FUT8: variants seen among roughly 807,000 people sequenced by gnomAD.
The protein encoded by FUT8 is alpha-(1,6)-fucosyltransferase.
Under a neutral mutation model 71.3 loss-of-function variants are expected in FUT8, and 29 were observed. That is an observed-to-expected ratio of 0.41 (90% confidence interval 0.30 to 0.55). The LOEUF is 0.55. FUT8 is among the 20% of genes least tolerant of loss of function. The pLI is 0.34. For synonymous variants in FUT8, 254 were observed against 239.3 expected (o/e 1.06, Z -0.57); for missense variants, 544 against 702.1 (o/e 0.77, Z 2.55).
At chr14:65,727,413 C>T (rs577603505) in intron 9 of FUT8, among the ~76,000 whole-genome samples, 12 of 152,286 alleles carry the variant, frequency 7.9e-5, no homozygotes, top group South Asian at 4.1e-4. Context: ...GACTTCTGTG[C>T]GCTCACAGGC....
chr14:65,702,949 G>C (rs1243014645), intron 7 of FUT8, among the ~76,000 whole-genome samples: 3 of 152,134 alleles, frequency 2.0e-5, no homozygotes, highest in African/African-American at 7.2e-5. Context: ...GTTTCACCCT[G>C]TTGGCCAGGA....
chr14:65,465,859 G>A (rs2139605309), intron 2 of FUT8, among the ~76,000 whole-genome samples: 1 of 152,250 alleles, frequency 6.6e-6, no homozygotes, highest in Middle Eastern at 3.4e-3. Flanking sequence ...CCGATAGAGG[G>A]TTGTTGAAGC....
the FUT8 span, among the ~76,000 whole-genome samples, chr14:65,363,274 ACCAAG>A: frequency 5.8e-5 from 3 of 51,846 alleles, no homozygotes; most frequent in Non-Finnish European, 2.6e-4. Flanking sequence ...GGTGCCCGCC[ACCAAG>A]CCTGGCTAAT....
Position 65,607,331 on chromosome 14 carries a change from T to C in FUT8, c.204-8647T>C, listed in dbSNP as rs1346169895. On this transcript the variant is annotated intron_variant, in intron 3 of 10. Coordinates refer to ENST00000673929, the MANE Select transcript of FUT8 (RefSeq NM_001371533.1). The surrounding 1 kb of genome is among the most constrained non-coding windows in gnomAD (Gnocchi z 4.1). ...CATAGAATGTGATATTTATTATGAA[T>C]TTCTAATATTCCTTACTGAATTAAA... Among the ~76,000 whole-genome samples the C allele has an allele frequency of 6.6e-6, 1 of 151,950 alleles. No individual in the cohort carries two copies. Among genetic ancestry groups the C allele is most frequent in the Non-Finnish European group, 1.5e-5 (1 of 67,924 alleles).
intron 10 of FUT8, among the ~76,000 whole-genome samples, chr14:65,739,592 T>C (rs1044650252): frequency 1.3e-5 from 2 of 152,012 alleles, no homozygotes; most frequent in Non-Finnish European, 2.9e-5. Context: ...ATTGTGGTCA[T>C]CCTAAGAGTA....
At chr14:65,470,110 A>G (rs998936605) in intron 2 of FUT8, among the ~76,000 whole-genome samples, 1 of 152,104 alleles carries the variant, frequency 6.6e-6, no homozygotes, top group African/African-American at 2.4e-5. Flanking sequence ...GCTTCCTCAG[A>G]GGGGGCCTAG....
intron 2 of FUT8, among the ~76,000 whole-genome samples, chr14:65,494,313 T>TAA (rs2066527072): frequency 6.6e-6 from 1 of 152,190 alleles, no homozygotes; most frequent in Non-Finnish European, 1.5e-5. Context: ...CATGTGTATT[T>TAA]TACACTTATA....
In FUT8 at chr14:65,554,660, A is replaced by G. The variant is rs73286104; in HGVS notation, c.-227-6677A>G. 2.7e-3 allele frequency among the ~76,000 whole-genome samples: 414 copies of G among 152,140 alleles called. 3 individuals carry two copies. Among genetic ancestry groups the G allele is most frequent in the Middle Eastern group, 0.01 (3 of 292 alleles). The stretch of plus-strand genomic sequence containing the variant: ...GATTTGTTTTTTTGTTGTGATTGTA[A>G]TAGTTAAATTCACTGAATCAGAAAC... On this transcript the variant is annotated intron_variant, in intron 2 of 10. Coordinates refer to ENST00000673929, the MANE Select transcript of FUT8 (RefSeq NM_001371533.1).
Position 65,599,962 on chromosome 14 carries a change from T to C in FUT8, c.204-16016T>C, listed in dbSNP as rs575602372. ...TTTTCACCAAAGATTCTTGCTCTTTTGAGTACATGAAGAAAATTAAATGTT... is the reference window on the plus strand; with the variant it reads ...TTTTCACCAAAGATTCTTGCTCTTTCGAGTACATGAAGAAAATTAAATGTT... On this transcript the variant is annotated intron_variant, in intron 3 of 10. Transcript: ENST00000673929. Among the ~76,000 whole-genome samples the C allele has an allele frequency of 2.6e-5, 4 of 152,346 alleles. No homozygotes were observed. In the South Asian group the frequency reaches 8.3e-4, roughly 32 times the overall value.
rs61987997 is a variant in FUT8, at chr14:65,629,857, C to A, written c.597+251C>A. On this transcript the variant is annotated intron_variant, in intron 6 of 10. Transcript: ENST00000673929. The stretch of plus-strand genomic sequence containing the variant: ...ACACACACACACACACACACACACA[C>A]AATACAATACAAATATAACATCTTA... 4.0e-4 allele frequency among the ~76,000 whole-genome samples: 58 copies of A among 143,978 alleles called. 1 individual carries two copies. Among genetic ancestry groups the A allele is most frequent in the Middle Eastern group, 7.0e-3 (2 of 284 alleles). The allele number at this position is 143,978 out of a possible 152,430, so 94.5% of individuals were successfully genotyped here.
chr14:65,492,579 G>T (rs1461363036), intron 2 of FUT8, among the ~76,000 whole-genome samples: 2 of 152,046 alleles, frequency 1.3e-5, no homozygotes, highest in East Asian at 1.9e-4. Flanking sequence ...GCCTACTCTG[G>T]CTTAGGAGCG....
At chr14:65,358,657 C>T in the FUT8 span, among the ~76,000 whole-genome samples, 1 of 152,046 alleles carries the variant, frequency 6.6e-6, no homozygotes, top group Non-Finnish European at 1.5e-5. Context: ...TCCGTGTCGT[C>T]CAGGCTGGTC....
chr14:65,726,165 A>C (rs1054172014), intron 9 of FUT8, among the ~76,000 whole-genome samples: 1 of 152,238 alleles, frequency 6.6e-6, no homozygotes, highest in African/African-American at 2.4e-5. Context: ...ATGTTTCTTC[A>C]ATTTAAAACA....
At chr14:65,431,661 CTTTT>C (rs11321643) in intron 1 of FUT8, among the ~76,000 whole-genome samples, 1 of 143,730 alleles carries the variant, frequency 7.0e-6, no homozygotes. Context: ...TGTAGGTTCA[CTTTT>C]TTTTTTTTTT....
intron 2 of FUT8, among the ~76,000 whole-genome samples, chr14:65,558,560 A>C (rs1176286046): frequency 3.3e-5 from 5 of 152,200 alleles, no homozygotes; most frequent in Non-Finnish European, 7.3e-5. Context: ...ACTAAGTGCC[A>C]AATACCGTTC....
At chr14:65,624,275 T>C (rs1449351477) in intron 5 of FUT8, among the ~76,000 whole-genome samples, 1 of 120,338 alleles carries the variant, frequency 8.3e-6, no homozygotes, top group Non-Finnish European at 1.8e-5. Flanking sequence ...CACAAAACAT[T>C]AGTGTACTCT....
chr14:65,367,293 C>T, the FUT8 span, among the ~76,000 whole-genome samples: 1 of 152,284 alleles, frequency 6.6e-6, no homozygotes, highest in South Asian at 2.1e-4. Context: ...AATGACTCTT[C>T]ATCTTTAGAG....
intron 7 of FUT8, among the ~76,000 whole-genome samples, chr14:65,696,693 C>G (rs1319039189): frequency 6.6e-6 from 1 of 152,022 alleles, no homozygotes; most frequent in Non-Finnish European, 1.5e-5. Context: ...CTCTGGTACT[C>G]CCATTACATG....
chr14:65,496,458 G>A (rs367959690), intron 2 of FUT8, among the ~76,000 whole-genome samples: 4 of 151,958 alleles, frequency 2.6e-5, no homozygotes, highest in South Asian at 2.1e-4. Flanking sequence ...TAATCCCCAC[G>A]TGTCAAGGGA....
Sources: allele counts gnomAD v4.1 joint callset (sites outside exome capture counted in the v4.1 genomes callset), GRCh38; gene constraint gnomAD v4.1.1; non-coding constraint Gnocchi (gnomAD v3.1); transcripts MANE v1.5; gene names NCBI Gene and HGNC (gene_info 2026-07-23, HGNC 2026-07-21).